The following SAMSN1 variants were observed in gnomAD, a reference collection of about 807,000 sequenced individuals.
The protein encoded by SAMSN1 is SAM domain-containing protein SAMSN-1.
A neutral mutation model predicts 42.0 loss-of-function variants in SAMSN1; 31 were observed. The ratio of observed to expected loss-of-function variants is 0.74; its 90% CI spans 0.55 to 1.00. The LOEUF is 1.00. SAMSN1 is among the 50% of genes least tolerant of loss of function. The pLI, the probability that SAMSN1 is intolerant of heterozygous loss-of-function variation, is 0.00. For synonymous variants in SAMSN1, 178 were observed against 151.9 expected (o/e 1.17, Z -1.26); for missense variants, 464 against 439.4 (o/e 1.06, Z -0.50).
chr21:14,642,252 C>A (rs764805048), intron 2 of SAMSN1, among the ~76,000 whole-genome samples: 1 of 152,140 alleles, frequency 6.6e-6, no homozygotes, highest in Non-Finnish European at 1.5e-5. Context: ...GTTAGAATAG[C>A]CAGCACTGTT....
chr21:14,495,930 T>A (rs1452680464), intron 7 of SAMSN1: 2 of 152,192 alleles, frequency 1.3e-5, no homozygotes, highest in African/African-American at 4.8e-5. Flanking sequence ...GCTCTATAAA[T>A]AATTTTACCA....
chr21:14,608,755 C>T (rs1330814032), intron 5 of SAMSN1, among the ~76,000 whole-genome samples: 1 of 152,128 alleles, frequency 6.6e-6, no homozygotes, highest in African/African-American at 2.4e-5. Context: ...AGGCAAACTC[C>T]TAAGGTTCCC....
intron 2 of SAMSN1, among the ~76,000 whole-genome samples, chr21:14,519,501 TAC>T (rs988522209): frequency 4.6e-5 from 7 of 151,360 alleles, no homozygotes; most frequent in South Asian, 2.1e-4. Context: ...TCCATATATA[TAC>T]ACACACACAC....
chr21:14,590,266 A>AT (rs56187524), intron 7 of SAMSN1, among the ~76,000 whole-genome samples: 33,500 of 150,880 alleles, frequency 0.22, 4,157 homozygotes, highest in East Asian at 0.52. Flanking sequence ...AATTGGGAGA[A>AT]TTTTTTTTTC....
intron 2 of SAMSN1, among the ~76,000 whole-genome samples, chr21:14,627,818 C>T (rs1201599942): frequency 6.6e-6 from 1 of 152,108 alleles, no homozygotes; most frequent in Non-Finnish European, 1.5e-5. Context: ...TAATAGAAAG[C>T]TATTTCATAT....
intron 6 of SAMSN1, among the ~76,000 whole-genome samples, chr21:14,499,282 T>C (rs1000873944): frequency 1.3e-5 from 2 of 152,140 alleles, no homozygotes; most frequent in Admixed American, 1.3e-4. Context: ...AGGTTTCCGA[T>C]TTCAAAGTCT....
At chr21:14,567,799 G>T (rs974032635) in intron 2 of SAMSN1, among the ~76,000 whole-genome samples, 1 of 151,946 alleles carries the variant, frequency 6.6e-6, no homozygotes, top group Non-Finnish European at 1.5e-5. Context: ...GACCTTGGGC[G>T]AGTTCCTCAA....
chr21:14,629,434 A>G (rs1338634848), intron 2 of SAMSN1, among the ~76,000 whole-genome samples: 2 of 152,204 alleles, frequency 1.3e-5, no homozygotes, highest in Admixed American at 1.3e-4. Context: ...TAATAATGTT[A>G]TGGTTCTCAG....
chr21:14,652,036 T>C (rs1278122522), intron 1 of SAMSN1, among the ~76,000 whole-genome samples: 1 of 151,862 alleles, frequency 6.6e-6, no homozygotes, highest in Non-Finnish European at 1.5e-5. Flanking sequence ...TAATGAAAAA[T>C]AGTTTATGTT....
At chr21:14,532,363 T>C (rs1391920597) in intron 1 of SAMSN1, among the ~76,000 whole-genome samples, 1 of 152,116 alleles carries the variant, frequency 6.6e-6, no homozygotes, top group Non-Finnish European at 1.5e-5. Flanking sequence ...AACAGACATG[T>C]TTATGTGGGG....
intron 5 of SAMSN1, among the ~76,000 whole-genome samples, chr21:14,510,101 T>C (rs113662731): frequency 6.7e-6 from 1 of 149,908 alleles, no homozygotes; most frequent in African/African-American, 2.5e-5. Flanking sequence ...ATTGCGCCAC[T>C]GCACTCCAGC....
chr21:14,614,309 T>A (rs553706648), intron 3 of SAMSN1, among the ~76,000 whole-genome samples: 2 of 152,150 alleles, frequency 1.3e-5, no homozygotes, highest in Non-Finnish European at 2.9e-5. Context: ...GTAGAATGGG[T>A]AGAAATAAAA....
At chr21:14,626,059 G>C (rs558912348) in intron 2 of SAMSN1, among the ~76,000 whole-genome samples, 8 of 152,144 alleles carry the variant, frequency 5.3e-5, no homozygotes, top group Non-Finnish European at 1.2e-4. Flanking sequence ...ATGGTGCTGG[G>C]AATACTGGCT....
intron 1 of SAMSN1, among the ~76,000 whole-genome samples, chr21:14,647,529 A>G (rs1427548712): frequency 2.7e-5 from 4 of 148,748 alleles, no homozygotes; most frequent in Non-Finnish European, 4.5e-5. Context: ...GAAGAAAGGC[A>G]TTGGTAGCTT....
chr21:14,608,798 G>T (rs1383642310), intron 5 of SAMSN1, among the ~76,000 whole-genome samples: 2 of 152,198 alleles, frequency 1.3e-5, no homozygotes, highest in Non-Finnish European at 2.9e-5. Context: ...GAAATTTCTA[G>T]ACTCTTGAAT....
intron 2 of SAMSN1, chr21:14,619,740 C>T: frequency 4.2e-6 from 1 of 237,668 alleles, no homozygotes; most frequent in South Asian, 4.8e-5. Context: ...TTTTATGTGG[C>T]ATAAACCTTC....
At chr21:14,593,082 C>T (rs1212295725) in intron 7 of SAMSN1, among the ~76,000 whole-genome samples, 1 of 152,042 alleles carries the variant, frequency 6.6e-6, no homozygotes, top group Non-Finnish European at 1.5e-5. Context: ...ACAACTTAGA[C>T]ATCTCTTAGA....
chr21:14,643,126 G>C (rs1249164061), exon 2 of SAMSN1: 3 of 716,974 alleles, frequency 4.2e-6, no homozygotes, highest in Admixed American at 2.0e-5. Flanking sequence ...GCTATCCATA[G>C]AGCCCTCCTG....
chr21:14,634,110 T>C (rs1983403102), intron 2 of SAMSN1, among the ~76,000 whole-genome samples: 1 of 152,054 alleles, frequency 6.6e-6, no homozygotes, highest in Non-Finnish European at 1.5e-5. Context: ...GCTAGCCATA[T>C]GCAGAAAACT....
Sources: allele counts gnomAD v4.1 joint callset (sites outside exome capture counted in the v4.1 genomes callset), GRCh38; gene constraint gnomAD v4.1.1; transcripts MANE v1.5; gene names NCBI Gene and HGNC (gene_info 2026-07-23, HGNC 2026-07-21).